Variants in NR4A3 observed in about 807,000 individuals in gnomAD.
The protein encoded by NR4A3 is chondrosarcoma, extraskeletal myxoid, fused to EWS.
In NR4A3, 13 loss-of-function variants were observed where a neutral mutation model predicts 55.6. The ratio of observed to expected loss-of-function variants is 0.23; its 90% CI spans 0.15 to 0.37. The LOEUF is 0.37. NR4A3 is among the 10% of genes least tolerant of loss of function. The pLI, the probability that NR4A3 is intolerant of heterozygous loss-of-function variation, is 1.00. For synonymous variants in NR4A3, 342 were observed against 357.9 expected (o/e 0.96, Z 0.50); for missense variants, 646 against 822.8 (o/e 0.79, Z 2.63).
intron 5 of NR4A3, among the ~76,000 whole-genome samples, chr9:99,837,673 C>A (rs201482956): frequency 1.4e-3 from 220 of 152,024 alleles, no homozygotes; most frequent in African/African-American, 4.6e-3. Flanking sequence ...ACTCCTTAGC[C>A]GTGTTTTAGT....
intron 3 of NR4A3, among the ~76,000 whole-genome samples, chr9:99,830,112 TTATTCCTTATCCTCTA>T (rs1183129131): frequency 6.6e-6 from 1 of 152,178 alleles, no homozygotes; most frequent in Non-Finnish European, 1.5e-5. Context: ...CCCACACAAA[TTATTCCTTATCCTCTA>T]GTGCTGGACA....
intron 5 of NR4A3, among the ~76,000 whole-genome samples, chr9:99,835,762 A>T (rs1340266776): frequency 6.6e-6 from 1 of 152,108 alleles, no homozygotes; most frequent in East Asian, 1.9e-4. Flanking sequence ...CACACTGAAA[A>T]ATCAATCTAG....
chr9:99,835,118 A>G, intron 5 of NR4A3: 1 of 164,770 alleles, frequency 6.1e-6, no homozygotes, highest in East Asian at 1.9e-4. Context: ...TTAATTAACA[A>G]TTATACTTGT....
intron 5 of NR4A3, among the ~76,000 whole-genome samples, chr9:99,838,161 T>C (rs1232187333): frequency 6.6e-6 from 1 of 152,212 alleles, no homozygotes; most frequent in Non-Finnish European, 1.5e-5. Context: ...TACAAGTATG[T>C]ATAGATACTG....
At chr9:99,853,120 CA>C (rs1400761695) in intron 7 of NR4A3, among the ~76,000 whole-genome samples, 1 of 152,070 alleles carries the variant, frequency 6.6e-6, no homozygotes, top group Non-Finnish European at 1.5e-5. Flanking sequence ...TTCCTTCTCA[CA>C]GGGTTAAAGA....
chr9:99,857,289 C>G (rs1449652007), intron 7 of NR4A3, among the ~76,000 whole-genome samples: 1 of 151,988 alleles, frequency 6.6e-6, no homozygotes, highest in African/African-American at 2.4e-5. Context: ...AGAGACGTGG[C>G]TGATTTGAAG....
intron 3 of NR4A3, among the ~76,000 whole-genome samples, chr9:99,829,991 C>T (rs1827408378): frequency 6.6e-6 from 1 of 152,222 alleles, no homozygotes; most frequent in African/African-American, 2.4e-5. Context: ...AGACCTTGCT[C>T]TTTTGCTGTG....
In NR4A3 at chr9:99,840,264, G is replaced by C. The variant is rs565140997; in HGVS notation, c.1255-4385G>C. On this transcript the variant is annotated intron_variant, in intron 5 of 7. Coordinates refer to ENST00000395097, the MANE Select transcript of NR4A3 (RefSeq NM_006981.4). ...AGAGAAAAGTACACACACAGGGTGGGCAGGGACTTCACTTCCCTGTGTGCA... is the reference window on the plus strand; with the variant it reads ...AGAGAAAAGTACACACACAGGGTGGCCAGGGACTTCACTTCCCTGTGTGCA... Among the ~76,000 whole-genome samples the C allele has an allele frequency of 1.7e-3, 264 of 152,366 alleles. 1 individual carries two copies. Among genetic ancestry groups the C allele is most frequent in the African/African-American group, 6.1e-3 (252 of 41,586 alleles).
At position 99,866,607 on chromosome 9, in the gene NR4A3, C is replaced by T. The variant is rs1828101985; in HGVS notation, c.*2740C>T. On this transcript the variant is annotated 3_prime_UTR_variant, in exon 8 of 8. Transcript: ENST00000395097. ...ACATAAGTTTATACAGAGTGGATGA[C>T]CACACTAGCACAGAAGAGAACAACA... The T allele has an allele frequency of 8.8e-6, 2 of 228,226 alleles. No homozygotes were observed. The highest frequency in any genetic ancestry group is 6.3e-5 in the East Asian group (1 of 15,936). The allele number at this position is 228,226 out of a possible 1,614,324, so 14.1% of individuals were successfully genotyped here.
At chr9:99,824,181 C>T (rs911631058) in intron 1 of NR4A3, among the ~76,000 whole-genome samples, 2 of 152,182 alleles carry the variant, frequency 1.3e-5, no homozygotes, top group African/African-American at 4.8e-5. Context: ...GTGGAGAGAG[C>T]GGCGGGGCGC....
intron 5 of NR4A3, among the ~76,000 whole-genome samples, chr9:99,841,742 A>G (rs909200721): frequency 4.9e-5 from 6 of 122,384 alleles, no homozygotes; most frequent in African/African-American, 1.3e-4. Flanking sequence ...TGGGAGTTCA[A>G]GACCTGCCTA....
At chr9:99,827,169 C>T (rs1827311383) in intron 2 of NR4A3, among the ~76,000 whole-genome samples, 2 of 151,792 alleles carry the variant, frequency 1.3e-5, no homozygotes, top group Admixed American at 6.6e-5. Flanking sequence ...AAGGAAATAC[C>T]TATACTAACT....
Position 99,847,500 on chromosome 9 carries a change from C to T in NR4A3, c.1518C>T (p.Cys506=). 1 of 1,614,144 alleles carries T rather than the reference C, an allele frequency of 6.2e-7. No individual in the cohort carries two copies. The highest frequency in any genetic ancestry group is 8.5e-7 in the Non-Finnish European group (1 of 1,179,998). ...GACTTGTCCTGCATCGACTTCAGTG[C>T]CTTCGTGGATTTGGGGAGTGGCTCG... ...CNGLVLHRLQ[C]LRGFGEWLDS... Residue 506 remains cysteine (C), a synonymous_variant, in exon 7 of 8, where the codon TGC becomes TGT. Coordinates refer to ENST00000395097, the MANE Select transcript of NR4A3 (RefSeq NM_006981.4).
In NR4A3 at chr9:99,864,427, A is replaced by G. The variant is rs1828058712; in HGVS notation, c.*560A>G. ...GTGAAAGATGGAGGATTACCTACAA[A>G]TCAGACATGGCAAAACAATAATGGC... On this transcript the variant is annotated 3_prime_UTR_variant, in exon 8 of 8. Coordinates refer to ENST00000395097, the MANE Select transcript of NR4A3 (RefSeq NM_006981.4). 1 of 227,790 alleles carries G rather than the reference A, an allele frequency of 4.4e-6. No homozygotes were observed. Among genetic ancestry groups the G allele is most frequent in the Non-Finnish European group, 8.7e-6 (1 of 114,412 alleles). 14.1% of individuals were successfully genotyped at this position (227,790 alleles called of 1,614,324 possible). A position where few individuals can be genotyped will look rare whatever the true frequency, so the allele number is the denominator to read the frequency against.
At chr9:99,855,789 T>C (rs944477831) in intron 7 of NR4A3, among the ~76,000 whole-genome samples, 1 of 152,200 alleles carries the variant, frequency 6.6e-6, no homozygotes, top group African/African-American at 2.4e-5. Context: ...GAGCTACACA[T>C]ACCTCTCTCT....
chr9:99,857,016 A>G (rs1269406328), intron 7 of NR4A3, among the ~76,000 whole-genome samples: 1 of 152,242 alleles, frequency 6.6e-6, no homozygotes, highest in Non-Finnish European at 1.5e-5. Context: ...TAAACTTGGA[A>G]GTACCTGAAA....
chr9:99,839,085 AG>A (rs1827606841), intron 5 of NR4A3, among the ~76,000 whole-genome samples: 1 of 152,270 alleles, frequency 6.6e-6, no homozygotes, highest in African/African-American at 2.4e-5. Flanking sequence ...CCTGTAAAGG[AG>A]AAAAAGAGTA....
At chr9:99,833,858 A>C in intron 5 of NR4A3, 1 of 1,270,188 alleles carries the variant, frequency 7.9e-7, no homozygotes, top group Non-Finnish European at 1.0e-6. Flanking sequence ...AGTTTATCCA[A>C]TTGCATCAGC....
chr9:99,859,386 C>G (rs927878876), intron 7 of NR4A3, among the ~76,000 whole-genome samples: 1 of 152,206 alleles, frequency 6.6e-6, no homozygotes, highest in African/African-American at 2.4e-5. Context: ...GACCCAGACA[C>G]TTAGTGACTC....
Sources: gnomAD v4.1 joint callset for allele counts (sites outside exome capture counted in the v4.1 genomes callset) on GRCh38, gnomAD v4.1.1 for gene constraint, MANE v1.5 for transcripts, NCBI Gene and HGNC (gene_info 2026-07-23, HGNC 2026-07-21) for gene names.